CDH18: variants seen among roughly 807,000 people sequenced by gnomAD.
CDH18 encodes the protein cadherin 18, also known as cadherin-18.
Under a neutral mutation model 67.9 loss-of-function variants are expected in CDH18, and 31 were observed. The ratio of observed to expected loss-of-function variants is 0.46; its 90% CI spans 0.34 to 0.62. The LOEUF (loss-of-function observed/expected upper bound fraction) is 0.62. CDH18 is among the 20% of genes least tolerant of loss of function. The probability of loss-of-function intolerance (pLI) is 0.01; values close to 1 mark genes in which losing one functional copy is unlikely to be tolerated. For missense variants in CDH18, 890 were observed against 975.5 expected (o/e 0.91, Z 1.17); for synonymous variants, 362 against 347.2 (o/e 1.04, Z -0.48).
At chr5:20,493,356 TAAA>T (rs148292031) in intron 1 of CDH18, among the ~76,000 whole-genome samples, 8,467 of 47,172 alleles carry the variant, frequency 0.18, 525 homozygotes, top group Non-Finnish European at 0.24. Context: ...TTCAGAAAAT[TAAA>T]AAAAAAAAAA....
At chr5:19,544,474 T>C (rs990601384) in intron 8 of CDH18, among the ~76,000 whole-genome samples, 1 of 152,132 alleles carries the variant, frequency 6.6e-6, no homozygotes, top group African/African-American at 2.4e-5. Flanking sequence ...AAACAAAACA[T>C]TTATATTTAT....
At chr5:20,331,159 T>C (rs1739134232) in intron 1 of CDH18, among the ~76,000 whole-genome samples, 1 of 152,238 alleles carries the variant, frequency 6.6e-6, no homozygotes, top group Admixed American at 6.5e-5. Flanking sequence ...CTATGTTTTC[T>C]TTAACCTCTG....
At chr5:19,496,998 T>G (rs1742448499) in intron 11 of CDH18, among the ~76,000 whole-genome samples, 1 of 152,164 alleles carries the variant, frequency 6.6e-6, no homozygotes, top group Middle Eastern at 3.4e-3. Flanking sequence ...ATTTTTCTTC[T>G]ATACAAATTC....
chr5:19,506,824 C>A, intron 10 of CDH18, among the ~76,000 whole-genome samples: 1 of 152,172 alleles, frequency 6.6e-6, no homozygotes, highest in Non-Finnish European at 1.5e-5. Context: ...TAGGCATTAC[C>A]ATTCAGGACA....
chr5:20,339,176 C>T (rs1740037075), intron 1 of CDH18, among the ~76,000 whole-genome samples: 1 of 152,120 alleles, frequency 6.6e-6, no homozygotes, highest in African/African-American at 2.4e-5. Context: ...GCCTCCACTC[C>T]CCTCAAGTGC....
At chr5:20,527,132 T>C (rs1043569754) in intron 1 of CDH18, among the ~76,000 whole-genome samples, 2 of 152,000 alleles carry the variant, frequency 1.3e-5, no homozygotes, top group Non-Finnish European at 2.9e-5. Flanking sequence ...TATCAATAGC[T>C]GAACCAAACA....
At chr5:20,492,593 T>A (rs556043874) in intron 1 of CDH18, among the ~76,000 whole-genome samples, 1 of 152,268 alleles carries the variant, frequency 6.6e-6, no homozygotes, top group African/African-American at 2.4e-5. Flanking sequence ...ACTTTGTCTT[T>A]CAACTTGACA....
chr5:20,408,158 T>C (rs571207502), intron 1 of CDH18, among the ~76,000 whole-genome samples: 7 of 151,882 alleles, frequency 4.6e-5, no homozygotes, highest in East Asian at 1.9e-4. Flanking sequence ...ACCAGCAAAA[T>C]TGTTCTTCAA....
chr5:20,117,267 GC>G (rs1748002159), intron 2 of CDH18, among the ~76,000 whole-genome samples: 3 of 152,244 alleles, frequency 2.0e-5, no homozygotes, highest in Admixed American at 2.0e-4. Context: ...ATCAAGGAAA[GC>G]AGAGTAATCT....
At chr5:20,028,576 G>A (rs1739117597) in intron 2 of CDH18, among the ~76,000 whole-genome samples, 2 of 152,050 alleles carry the variant, frequency 1.3e-5, no homozygotes, top group African/African-American at 4.8e-5. Context: ...TATTCACAGG[G>A]GATGTATTCC....
chr5:20,399,282 G>C (rs1450239810), intron 1 of CDH18, among the ~76,000 whole-genome samples: 1 of 152,000 alleles, frequency 6.6e-6, no homozygotes, highest in African/African-American at 2.4e-5. Context: ...TATCAAAAGA[G>C]ACAATAGTGA....
intron 12 of CDH18, among the ~76,000 whole-genome samples, chr5:19,474,633 GGC>G (rs973879162): frequency 1.7e-4 from 26 of 152,056 alleles, no homozygotes; most frequent in African/African-American, 6.3e-4. Flanking sequence ...TCACACAGAT[GGC>G]AAGTGGAAGA....
intron 4 of CDH18, among the ~76,000 whole-genome samples, chr5:19,727,221 C>T (rs777637750): frequency 3.9e-5 from 6 of 152,148 alleles, no homozygotes; most frequent in Non-Finnish European, 7.3e-5. Flanking sequence ...AAGTCCTAAT[C>T]CCCAGTACCT....
rs185829232 is a variant in CDH18, at chr5:20,173,158, T to G, written c.-518+82286A>C. On this transcript the variant is annotated intron_variant, in intron 2 of 14. Coordinates refer to the CDH18 transcript ENST00000507958. ...AAATGATTAAAGTGTGGAACCCCCA[T>G]GGCTGCTGCCCTCATGGAGCTTATT... Among the ~76,000 whole-genome samples, 359 of 152,288 alleles carry G rather than the reference T, an allele frequency of 2.4e-3. 6 individuals are homozygous for G. Among genetic ancestry groups the G allele is most frequent in the Middle Eastern group, 3.4e-3 (1 of 294 alleles).
At chr5:20,222,655 G>T (rs984211018) in intron 2 of CDH18, among the ~76,000 whole-genome samples, 2 of 151,746 alleles carry the variant, frequency 1.3e-5, no homozygotes, top group Admixed American at 6.6e-5. Flanking sequence ...ACTTATTTCA[G>T]TTTCCAAGAA....
At chr5:20,410,448 A>G (rs1250725853) in intron 1 of CDH18, among the ~76,000 whole-genome samples, 1 of 151,842 alleles carries the variant, frequency 6.6e-6, no homozygotes, top group Non-Finnish European at 1.5e-5. Context: ...CATGATAAAA[A>G]CTATCAAAAA....
At chr5:20,249,591 C>T (rs928772187) in intron 2 of CDH18, among the ~76,000 whole-genome samples, 17 of 151,914 alleles carry the variant, frequency 1.1e-4, no homozygotes, top group Admixed American at 2.6e-4. Flanking sequence ...ACCGTGGTCT[C>T]GATTTCGTGA....
intron 10 of CDH18, among the ~76,000 whole-genome samples, chr5:19,520,239 T>C (rs867199627): frequency 1.3e-5 from 2 of 152,268 alleles, no homozygotes; most frequent in South Asian, 4.1e-4. Context: ...GAATCATCGT[T>C]TAGCATCAGC....
rs1758170600 is a variant in CDH18 at position 19,667,764 on chromosome 5, T to C, written c.643+53583A>G. 2.6e-5 allele frequency among the ~76,000 whole-genome samples: 4 copies of C among 151,798 alleles called. No individual in the cohort carries two copies. In the South Asian group the frequency reaches 8.3e-4, roughly 31 times the overall value. On this transcript the variant is annotated intron_variant, in intron 5 of 12. Transcript: ENST00000382275. Reference sequence around the variant, plus strand: ...TTTTCATATCTTCATAATGATGAAATATTTTACCAATATATTAAGATGCAG... The same window carrying C: ...TTTTCATATCTTCATAATGATGAAACATTTTACCAATATATTAAGATGCAG...
Sources: allele counts gnomAD v4.1 joint callset (sites outside exome capture counted in the v4.1 genomes callset), GRCh38; gene constraint gnomAD v4.1.1; transcripts MANE v1.5; gene names NCBI Gene and HGNC (gene_info 2026-07-23, HGNC 2026-07-21).